Variants in PKHD1 observed in about 807,000 individuals in gnomAD.
The protein encoded by PKHD1 is fibrocystin.
Under a neutral mutation model 412.0 loss-of-function variants are expected in PKHD1, and 291 were observed. The ratio of observed to expected loss-of-function variants is 0.71; its 90% CI spans 0.64 to 0.78. PKHD1 has a LOEUF of 0.78. Among genes scored for constraint, PKHD1 ranks in the 30% least tolerant of loss-of-function variants. The pLI is 0.00. For missense variants in PKHD1, 4,825 were observed against 4,950.7 expected (o/e 0.97, Z 0.76); for synonymous variants, 1,777 against 1,821.5 (o/e 0.98, Z 0.62).
Position 51,906,259 on chromosome 6 carries a change from T to A in PKHD1, c.6764A>T (p.Asp2255Val). 6.2e-7 allele frequency: 1 copy of A among 1,611,400 alleles called. No individual in the cohort carries two copies. Among genetic ancestry groups the A allele is most frequent in the South Asian group, 1.1e-5 (1 of 91,038 alleles). The change falls in exon 41 of 67, where the codon GAC (aspartate) becomes GTC (valine). Residue 2255 changes from aspartate to valine, a missense_variant. Physicochemically the swap from Asp to Val is radical, Grantham distance 152. Coordinates refer to ENST00000371117, the MANE Select transcript of PKHD1 (RefSeq NM_138694.4). Reference protein sequence around the residue: ...SMCGTLGLKVDSNVFYNILGH... With the variant: ...SMCGTLGLKVVSNVFYNILGH... ...TAAAATATTGTAGAATACATTACTG[T>A]CCACCTTCAGGCCCAAGGTCCCGCA... is the stretch of plus-strand genomic sequence containing the variant.
chr6:51,691,893 G>C (rs1248749979), intron 60 of PKHD1, among the ~76,000 whole-genome samples: 2 of 152,132 alleles, frequency 1.3e-5, no homozygotes, highest in Non-Finnish European at 2.9e-5. Context: ...ATCACCTAGA[G>C]ATCACCAAGC....
chr6:51,748,496 G>A lies in PKHD1; in HGVS notation c.9120C>T (p.Asp3040=), dbSNP rs761008240. 1 of 1,613,870 alleles carries A rather than the reference G, an allele frequency of 6.2e-7. No individual in the cohort carries two copies. Among genetic ancestry groups the A allele is most frequent in the Admixed American group, 1.7e-5 (1 of 59,962 alleles). Residue 3040 remains aspartate, a synonymous_variant, in exon 58 of 67, where the codon GAC becomes GAT. Transcript: ENST00000371117. ...GGCCAGCTGTGCCAAACACAATATT[G>A]TCATTTAAAAGTACTCCATGACTGG... ...AAASHGVLLN[D]NIVFGTAGHG... is the part of the protein sequence containing the mutation.
intron 52 of PKHD1, among the ~76,000 whole-genome samples, chr6:51,799,547 A>T (rs1461769976): frequency 6.6e-6 from 1 of 152,226 alleles, no homozygotes; most frequent in African/African-American, 2.4e-5. Flanking sequence ...GTCTATTATA[A>T]GAAAATTCTG....
chr6:51,811,918 A>G (rs913649925), intron 52 of PKHD1, among the ~76,000 whole-genome samples: 1 of 152,186 alleles, frequency 6.6e-6, no homozygotes, highest in Non-Finnish European at 1.5e-5. Flanking sequence ...TGAACAGAAA[A>G]AAATTATGTA....
chr6:51,617,198 C>T lies in PKHD1; in HGVS notation c.*1883G>A, dbSNP rs1766141817. On this transcript the variant is annotated 3_prime_UTR_variant, in exon 67 of 67. Transcript: ENST00000371117. ...ATTTTATAAACCTCAAAAGCCTTCA[C>T]TTCTGAAATGTTTTTTTCCAAAAAG... 6.6e-6 allele frequency: 1 copy of T among 152,378 alleles called. No homozygotes were observed. Among genetic ancestry groups the T allele is most frequent in the Admixed American group, 6.5e-5 (1 of 15,278 alleles). 9.4% of individuals were successfully genotyped at this position (152,378 alleles called of 1,614,324 possible).
chr6:52,058,605 T>C lies in PKHD1; in HGVS notation c.1234-4A>G, dbSNP rs1231095656. The stretch of plus-strand genomic sequence containing the variant: ...CGCTGATGGAGGCCACTTTCACCTA[T>C]GCCCAAATAAGCATATCATGATCAA... On this transcript the variant is annotated splice_region_variant and splice_polypyrimidine_tract_variant and intron_variant, in intron 15 of 66. Transcript: ENST00000371117. 2.5e-6 allele frequency: 4 copies of C among 1,613,708 alleles called. No homozygotes were observed. Among genetic ancestry groups the C allele is most frequent in the Non-Finnish European group, 3.4e-6 (4 of 1,179,952 alleles).
chr6:51,791,453 T>C, intron 52 of PKHD1, 80 bp from the exon 53 acceptor site: 6 of 1,329,982 alleles, frequency 4.5e-6, no homozygotes, highest in Middle Eastern at 3.7e-4. Context: ...CCCAGCAGTT[T>C]GGGAGCTGTG....
chr6:51,711,823 G>A (rs571274733), intron 60 of PKHD1, among the ~76,000 whole-genome samples: 1 of 152,172 alleles, frequency 6.6e-6, no homozygotes, highest in East Asian at 1.9e-4. Context: ...AAGATGTGGT[G>A]GAAAAAAGAA....
chr6:52,066,157 A>G lies in PKHD1; in HGVS notation c.779-80T>C, dbSNP rs544057388. 639 of 669,272 alleles carry G rather than the reference A, an allele frequency of 9.5e-4. 1 individual carries two copies. The highest frequency in any genetic ancestry group is 1.5e-3 in the Non-Finnish European group (572 of 381,460). The allele number at this position is 669,272 out of a possible 1,614,324, so 41.5% of individuals were successfully genotyped here. A position where few individuals can be genotyped will look rare whatever the true frequency, so the allele number is the denominator to read the frequency against. On this transcript the variant is annotated intron_variant, in intron 11 of 66. Transcript: ENST00000371117. ...ACCTAGATAATAATATAATAATAGG[A>G]GATATTAATAATTTCTTACTTTAAC...
intron 51 of PKHD1, among the ~76,000 whole-genome samples, chr6:51,835,705 T>C (rs1174508439): frequency 6.6e-6 from 1 of 152,210 alleles, no homozygotes; most frequent in African/African-American, 2.4e-5. Context: ...ACCTTCAGGA[T>C]TATCATTTAT....
intron 55 of PKHD1, among the ~76,000 whole-genome samples, chr6:51,767,103 A>C (rs1475727460): frequency 6.6e-6 from 1 of 152,090 alleles, no homozygotes; most frequent in African/African-American, 2.4e-5. Flanking sequence ...GTCTTCAACT[A>C]AATTCAAATG....
chr6:51,802,795 T>C (rs1763138929), intron 52 of PKHD1, among the ~76,000 whole-genome samples: 1 of 151,200 alleles, frequency 6.6e-6, no homozygotes, highest in Admixed American at 6.6e-5. Context: ...TCTTCTCTTT[T>C]TGTCTCTGCT....
chr6:51,983,050 T>A (rs1003959755), intron 35 of PKHD1, among the ~76,000 whole-genome samples: 5 of 151,938 alleles, frequency 3.3e-5, no homozygotes, highest in African/African-American at 1.2e-4. Context: ...CAGTGAAGTG[T>A]ACCGTTAACA....
chr6:51,938,146 A>C (rs1787820415), intron 36 of PKHD1, among the ~76,000 whole-genome samples: 1 of 152,078 alleles, frequency 6.6e-6, no homozygotes, highest in African/African-American at 2.4e-5. Context: ...TAAGATGTTT[A>C]GCATATTTAA....
At chr6:51,881,098 T>C (rs1777264269) in intron 46 of PKHD1, among the ~76,000 whole-genome samples, 1 of 150,428 alleles carries the variant, frequency 6.6e-6, no homozygotes, top group Non-Finnish European at 1.5e-5. Context: ...TTTTTCTTTT[T>C]TTGGAACAAC....
chr6:52,083,763 T>C (rs1273800938), intron 2 of PKHD1, among the ~76,000 whole-genome samples: 1 of 152,024 alleles, frequency 6.6e-6, no homozygotes, highest in Non-Finnish European at 1.5e-5. Context: ...TTGCATTCCT[T>C]TTAATGGCAA....
intron 7 of PKHD1, 131 bp from the exon 8 acceptor site, chr6:52,072,320 G>T: frequency 1.4e-6 from 1 of 706,478 alleles, no homozygotes; most frequent in South Asian, 1.5e-5. Flanking sequence ...CACTATTGCA[G>T]GTGGCTGAAG....
chr6:52,024,014 C>T (rs972327267), intron 32 of PKHD1, among the ~76,000 whole-genome samples: 20 of 152,160 alleles, frequency 1.3e-4, no homozygotes, highest in African/African-American at 4.6e-4. Flanking sequence ...TGCAACAAGG[C>T]TTTAAGTGAA....
At chr6:52,003,408 G>C (rs1798677458) in intron 35 of PKHD1, among the ~76,000 whole-genome samples, 1 of 152,108 alleles carries the variant, frequency 6.6e-6, no homozygotes, top group Admixed American at 6.5e-5. Flanking sequence ...ATGATAGTGA[G>C]CTGTGAACAT....
Sources: gnomAD v4.1 joint callset for allele counts (sites outside exome capture counted in the v4.1 genomes callset) on GRCh38, gnomAD v4.1.1 for gene constraint, MANE v1.5 for transcripts, NCBI Gene and HGNC (gene_info 2026-07-23, HGNC 2026-07-21) for gene names.